Variants in CENPL observed in about 807,000 individuals in gnomAD.
CENPL encodes interphase centromere complex protein 33.
Under a neutral mutation model 35.2 loss-of-function variants are expected in CENPL, and 20 were observed. That is an observed-to-expected ratio of 0.57 (90% CI 0.40 to 0.83). CENPL has a LOEUF of 0.83. Ranked by LOEUF, CENPL falls within the 40% of genes least tolerant of loss-of-function variation. CENPL has a pLI of 0.00. For missense variants in CENPL, 363 were observed against 395.8 expected, an observed-to-expected ratio of 0.92 and a Z score of 0.70; for synonymous variants, 140 against 140.6, an observed-to-expected ratio of 1.00 and a Z score of 0.03.
chr1:173,818,200 T>C (rs567433496), intron 2 of CENPL, among the ~76,000 whole-genome samples: 144 of 152,192 alleles, frequency 9.5e-4, no homozygotes, highest in African/African-American at 3.1e-3. Flanking sequence ...AAAAAATCTG[T>C]CATCCCTTCA....
Position 173,805,718 on chromosome 1 carries a change from A to T in CENPL, c.420+1549T>A, listed in dbSNP as rs902614659. Among the ~76,000 whole-genome samples the T allele has an allele frequency of 3.9e-5, 6 of 152,282 alleles. No homozygotes were observed. The South Asian group carries it at 6.2e-4, about 16-fold the overall frequency. ...TATAATGTTTAGAGCTGCTGGAGAC[A>T]TCTTATGTTAGACAATAAGGTAACT... On this transcript the variant is annotated intron_variant, in intron 4 of 5. Transcript: ENST00000682279.
intron 2 of CENPL, among the ~76,000 whole-genome samples, chr1:173,818,895 T>C (rs1232710595): frequency 6.6e-6 from 1 of 152,226 alleles, no homozygotes; most frequent in Admixed American, 6.5e-5. Context: ...TGTCCTTTAA[T>C]TGTTAAACAA....
At chr1:173,809,927 T>C (rs1172250505) in intron 3 of CENPL, among the ~76,000 whole-genome samples, 7 of 152,170 alleles carry the variant, frequency 4.6e-5, no homozygotes, top group Non-Finnish European at 8.8e-5. Context: ...GTGAATTAGT[T>C]CAACCATTGT....
intron 2 of CENPL, among the ~76,000 whole-genome samples, chr1:173,814,190 T>G (rs1651129244): frequency 6.6e-6 from 1 of 152,130 alleles, no homozygotes; most frequent in African/African-American, 2.4e-5. Context: ...AAGCAGGTCC[T>G]TAGAGACCTA....
chr1:173,805,665 T>C (rs190950547), intron 4 of CENPL, among the ~76,000 whole-genome samples: 8 of 152,316 alleles, frequency 5.3e-5, no homozygotes, highest in Admixed American at 2.0e-4. Flanking sequence ...CTTCCCATCT[T>C]CTTCCTACTT....
intron 2 of CENPL, among the ~76,000 whole-genome samples, chr1:173,812,243 T>C (rs918025821): frequency 6.6e-6 from 1 of 152,384 alleles, no homozygotes; most frequent in East Asian, 1.9e-4. Context: ...GGGCAGGGCA[T>C]AGCTGAACAA....
intron 2 of CENPL, among the ~76,000 whole-genome samples, chr1:173,817,749 C>T (rs1349771232): frequency 1.3e-5 from 2 of 152,132 alleles, no homozygotes; most frequent in Non-Finnish European, 2.9e-5. Context: ...AGACTTGGAA[C>T]CAACCCAAAT....
At chr1:173,810,740 G>A (rs1250962799) in intron 3 of CENPL, among the ~76,000 whole-genome samples, 1 of 151,974 alleles carries the variant, frequency 6.6e-6, no homozygotes, top group African/African-American at 2.4e-5. Context: ...CTAACATGGT[G>A]AAACCCCGTC....
At position 173,807,288 on chromosome 1, in the gene CENPL, G is replaced by T; in HGVS notation, c.399C>A (p.Asp133Glu). 2 of 1,608,590 alleles carry T rather than the reference G, an allele frequency of 1.2e-6. No individual in the cohort carries two copies. The highest frequency in any genetic ancestry group is 1.7e-6 in the Non-Finnish European group (2 of 1,176,424). ...ATACCTGGACAAGAAATGCTTCCGG[G>T]TCCCTTTGTGTTCCTTTCATTCCTA... The part of the protein sequence containing the change: ...TLLGMKGTQR[D>E]PEAFLVQIVS... Residue 133 changes from aspartate to glutamate, a missense_variant, in exon 4 of 6, where the codon GAC becomes GAA. Asp to Glu is a conservative substitution (Grantham distance 45). Transcript: ENST00000682279.
At chr1:173,809,001 T>G (rs1650533485) in intron 3 of CENPL, among the ~76,000 whole-genome samples, 1 of 151,880 alleles carries the variant, frequency 6.6e-6, no homozygotes, top group Admixed American at 6.6e-5. Context: ...CTGACAAAGG[T>G]CTACTATCCA....
rs1284421742 is a variant in CENPL, at chr1:173,802,946, A to G, written c.963+17T>C. On this transcript the variant is annotated intron_variant, in intron 5 of 5. Coordinates refer to ENST00000682279, the MANE Select transcript of CENPL (RefSeq NM_001387287.1). ...TAAAACAAGGAAAAATTACTTAACT[A>G]GATTGTTCAAACTAACCTTTATTTT... 6.5e-7 allele frequency: 1 copy of G among 1,543,438 alleles called. No individual in the cohort carries two copies. The highest frequency in any genetic ancestry group is 1.4e-5 in the African/African-American group (1 of 72,790).
intron 2 of CENPL, chr1:173,822,531 A>T (rs1652054378): frequency 6.6e-6 from 1 of 152,168 alleles, no homozygotes; most frequent in African/African-American, 2.4e-5. Context: ...ACCTCCGTCA[A>T]ACTCATTAAG....
Position 173,811,256 on chromosome 1 carries a change from G to C in CENPL, c.44C>G (p.Ser15Ter), listed in dbSNP as rs766067591. 6.2e-7 allele frequency: 1 copy of C among 1,613,174 alleles called. No homozygotes were observed. Among genetic ancestry groups the C allele is most frequent in the South Asian group, 1.1e-5 (1 of 91,024 alleles). ...SAPESTPSASSRPEDYFIGAT... is the reference protein window; with the variant it reads ...SAPESTPSAS Reference sequence around the variant, plus strand: ...ACCTATAAAGTAATCTTCAGGTCTTGAGGATGCACTAGGAGTTGACTCTGG... The same window carrying C: ...ACCTATAAAGTAATCTTCAGGTCTTCAGGATGCACTAGGAGTTGACTCTGG... The change falls in exon 3 of 6, where the codon TCA becomes TGA. Residue 15 changes from serine to a stop codon, truncating the protein, a stop_gained. Transcript: ENST00000682279. LOFTEE classifies it high-confidence loss of function.
intron 2 of CENPL, among the ~76,000 whole-genome samples, chr1:173,821,176 T>A (rs997507066): frequency 6.6e-6 from 1 of 152,244 alleles, no homozygotes; most frequent in Admixed American, 6.5e-5. Context: ...GGTACTCTTC[T>A]AAGCCCTTTA....
intron 3 of CENPL, among the ~76,000 whole-genome samples, chr1:173,809,204 G>A (rs556682085): frequency 5.3e-5 from 8 of 152,226 alleles, no homozygotes; most frequent in East Asian, 1.9e-4. Context: ...TTAGCTGGGC[G>A]TGGTGGCGGG....
chr1:173,812,940 G>C (rs1650984799), intron 2 of CENPL, among the ~76,000 whole-genome samples: 1 of 152,138 alleles, frequency 6.6e-6, no homozygotes, highest in African/African-American at 2.4e-5. Flanking sequence ...AAGGTTAGAT[G>C]AATGGCTAAC....
chr1:173,803,310 A>C lies in CENPL; in HGVS notation c.616T>G (p.Cys206Gly), dbSNP rs1218122371. 2 of 1,613,778 alleles carry C rather than the reference A, an allele frequency of 1.2e-6. No individual in the cohort carries two copies. Among genetic ancestry groups the C allele is most frequent in the South Asian group, 2.2e-5 (2 of 91,086 alleles). Residue 206 changes from cysteine to glycine, a missense_variant, in exon 5 of 6, where the codon TGT becomes GGT. Physicochemically the swap from Cys to Gly is radical, Grantham distance 159. Transcript: ENST00000682279. ...IGTWFQKTFD[C>G]YFSPLAINAF... ...TTGATTGCTAAAGGACTGAAATAACAGTCAAAGGTTTTCTGAAACCAAGTT... is the reference window on the plus strand; with the variant it reads ...TTGATTGCTAAAGGACTGAAATAACCGTCAAAGGTTTTCTGAAACCAAGTT...
chr1:173,803,677 CT>C (rs141936109), intron 4 of CENPL, among the ~76,000 whole-genome samples, 172 bp from the exon 5 acceptor site: 33,721 of 145,668 alleles, frequency 0.23, 4,155 homozygotes, highest in Middle Eastern at 0.39. Context: ...AATAATTGGC[CT>C]TTTTTTTTTT....
intron 2 of CENPL, among the ~76,000 whole-genome samples, chr1:173,817,538 T>C (rs551463524): frequency 6.6e-6 from 1 of 152,178 alleles, no homozygotes; most frequent in Non-Finnish European, 1.5e-5. Flanking sequence ...GAAATAGGAA[T>C]GCTTTTACAC....
Sources: allele counts gnomAD v4.1 joint callset (sites outside exome capture counted in the v4.1 genomes callset), GRCh38; gene constraint gnomAD v4.1.1; transcripts MANE v1.5; gene names NCBI Gene and HGNC (gene_info 2026-07-23, HGNC 2026-07-21).